The following DCLK1 variants were observed in gnomAD, a reference collection of about 807,000 sequenced individuals.
The protein encoded by DCLK1 is doublecortin like kinase 1.
Under a neutral mutation model 86.2 loss-of-function variants are expected in DCLK1, and 16 were observed. That is an observed-to-expected ratio of 0.19 (90% CI 0.13 to 0.28). The LOEUF (loss-of-function observed/expected upper bound fraction) is 0.28. DCLK1 is among the 10% of genes least tolerant of loss of function. The pLI is 1.00. For missense variants in DCLK1, 590 were observed against 940.2 expected (o/e 0.63, Z 4.87); for synonymous variants, 369 against 370.5 (o/e 1.00, Z 0.05).
chr13:36,025,122 T>G (rs142058068), intron 3 of DCLK1, among the ~76,000 whole-genome samples: 3 of 152,090 alleles, frequency 2.0e-5, no homozygotes, highest in Admixed American at 1.3e-4. Context: ...CATGGGCCAC[T>G]GTGCCTGGCT....
intron 3 of DCLK1, among the ~76,000 whole-genome samples, chr13:35,992,000 T>G (rs1411771624): frequency 6.6e-6 from 1 of 152,228 alleles, no homozygotes; most frequent in African/African-American, 2.4e-5. Flanking sequence ...TATTTAATTA[T>G]AAAAATTATG....
intron 5 of DCLK1, among the ~76,000 whole-genome samples, chr13:35,862,898 C>A (rs1188047271): frequency 1.7e-5 from 2 of 120,524 alleles, no homozygotes; most frequent in African/African-American, 6.9e-5. Context: ...ATTATAGTTA[C>A]ATGCATACAG....
At chr13:35,848,065 A>C (rs1396253694) in intron 6 of DCLK1, 1 of 985,224 alleles carries the variant, frequency 1.0e-6, no homozygotes, top group African/African-American at 1.7e-5. Context: ...ACATCTAAGA[A>C]AAAAGTGAGT....
intron 10 of DCLK1, 50 bp from the exon 11 acceptor site, chr13:35,822,925 G>A (rs1249323688): frequency 6.2e-7 from 1 of 1,604,996 alleles, no homozygotes; most frequent in Non-Finnish European, 8.5e-7. Context: ...CGGGCCAGTG[G>A]GGCCACCTGC....
intron 11 of DCLK1, among the ~76,000 whole-genome samples, chr13:35,820,980 T>C (rs563513164): frequency 6.6e-6 from 1 of 152,240 alleles, no homozygotes; most frequent in African/African-American, 2.4e-5. Flanking sequence ...GTGTCTCTCT[T>C]GTTCCCTGGC....
At chr13:35,982,514 G>A (rs1032562819) in intron 3 of DCLK1, among the ~76,000 whole-genome samples, 1 of 149,502 alleles carries the variant, frequency 6.7e-6, no homozygotes, top group Non-Finnish European at 1.5e-5. Flanking sequence ...TCAACTTAGT[G>A]AAGTCAGGAT....
chr13:35,818,124 C>A (rs2087311233), intron 11 of DCLK1, among the ~76,000 whole-genome samples: 1 of 152,124 alleles, frequency 6.6e-6, no homozygotes, highest in Non-Finnish European at 1.5e-5. Context: ...TTTGGGTAAC[C>A]TCCAATCCAT....
chr13:35,850,042 C>G, intron 6 of DCLK1: 2 of 977,348 alleles, frequency 2.0e-6, no homozygotes, highest in Non-Finnish European at 2.4e-6. Flanking sequence ...ATAAAATTTA[C>G]TTGACAACAA....
rs886287002 is a variant in DCLK1 at position 35,771,752 on chromosome 13, A to G, written c.*2783T>C. On this transcript the variant is annotated 3_prime_UTR_variant, in exon 17 of 17. Coordinates refer to ENST00000360631, the MANE Select transcript of DCLK1 (RefSeq NM_001330071.2). ...CTATATTAAATACTTGGGAAAAAAT[A>G]TGGAAACACCGGTGGTGATGATTAA... is the stretch of plus-strand genomic sequence containing the variant. 6.6e-6 allele frequency: 1 copy of G among 152,234 alleles called. No homozygotes were observed. Among genetic ancestry groups the G allele is most frequent in the Non-Finnish European group, 1.5e-5 (1 of 68,044 alleles). 9.4% of individuals were successfully genotyped at this position (152,234 alleles called of 1,614,324 possible). A position where few individuals can be genotyped will look rare whatever the true frequency, so the allele number is the denominator to read the frequency against.
intron 3 of DCLK1, among the ~76,000 whole-genome samples, chr13:36,070,803 A>G (rs1460814072): frequency 6.6e-6 from 1 of 151,966 alleles, no homozygotes; most frequent in Admixed American, 6.6e-5. Context: ...CACCACGTCC[A>G]GCTAATTTTT....
rs572413346 is a variant in DCLK1 at position 35,858,307 on chromosome 13, G to A, written c.941-3714C>T. On this transcript the variant is annotated intron_variant, in intron 5 of 16. Transcript: ENST00000360631. ...AATTGATTGGCTGTAGAAGATTAAG[G>A]CCAAAAGGGAGCATGTTTGCAAGGA... 2.0e-5 allele frequency among the ~76,000 whole-genome samples: 3 copies of A among 152,254 alleles called. No individual in the cohort carries two copies. The South Asian group carries it at 6.2e-4, about 32-fold the overall frequency.
chr13:35,954,153 C>T (rs1030031280), intron 3 of DCLK1, among the ~76,000 whole-genome samples: 15 of 151,856 alleles, frequency 9.9e-5, no homozygotes, highest in African/African-American at 3.1e-4. Context: ...CAGGCTTAAA[C>T]GTTCTGTAGC....
intron 3 of DCLK1, 43 bp downstream of exon 3, chr13:36,111,826 T>A: frequency 6.4e-7 from 1 of 1,561,402 alleles, no homozygotes. Context: ...GACTCCCTGG[T>A]TCTTGCCTTA....
At chr13:36,036,268 C>A (rs1196681058) in intron 3 of DCLK1, among the ~76,000 whole-genome samples, 1 of 152,226 alleles carries the variant, frequency 6.6e-6, no homozygotes, top group African/African-American at 2.4e-5. Context: ...AGCTGCTCCT[C>A]TGGGCACACT....
intron 3 of DCLK1, among the ~76,000 whole-genome samples, chr13:36,074,789 C>CTAG (rs1408709684): frequency 6.6e-6 from 1 of 152,218 alleles, no homozygotes; most frequent in Non-Finnish European, 1.5e-5. Context: ...CTGCCTGTTA[C>CTAG]TGCCAAGAAT....
chr13:35,923,168 G>A (rs891598812), intron 4 of DCLK1, among the ~76,000 whole-genome samples: 5 of 151,946 alleles, frequency 3.3e-5, no homozygotes, highest in African/African-American at 9.7e-5. Context: ...AAGACCCCTG[G>A]GTGGATCTCC....
intron 4 of DCLK1, among the ~76,000 whole-genome samples, chr13:35,878,326 A>C (rs9646086): frequency 0.041 from 6,257 of 152,258 alleles, 479 homozygotes; most frequent in African/African-American, 0.14. Context: ...TCTAGTAAGA[A>C]CTGAGGCCCA....
intron 16 of DCLK1, among the ~76,000 whole-genome samples, chr13:35,786,673 A>C (rs1174005591): frequency 6.6e-6 from 1 of 152,202 alleles, no homozygotes; most frequent in East Asian, 1.9e-4. Context: ...TAAAAGTAAA[A>C]GATGGATGAA....
chr13:35,846,172 A>G (rs1870159800), intron 6 of DCLK1: 1 of 985,244 alleles, frequency 1.0e-6, no homozygotes, highest in African/African-American at 1.7e-5. Flanking sequence ...TTTTTTTTTA[A>G]AGAGAATACA....
Sources: allele counts gnomAD v4.1 joint callset (sites outside exome capture counted in the v4.1 genomes callset), GRCh38; gene constraint gnomAD v4.1.1; transcripts MANE v1.5; gene names NCBI Gene and HGNC (gene_info 2026-07-23, HGNC 2026-07-21).